HMGXB3: variants seen among roughly 807,000 people sequenced by gnomAD.
HMGXB3 encodes the protein HMG-box containing 3.
A neutral mutation model predicts 121.5 loss-of-function variants in HMGXB3; 45 were observed. That is an observed-to-expected ratio of 0.37 (90% CI 0.29 to 0.47). The LOEUF (loss-of-function observed/expected upper bound fraction) is 0.47. Ranked by LOEUF, HMGXB3 falls within the 20% of genes least tolerant of loss-of-function variation. The probability of loss-of-function intolerance (pLI) is 0.99; values close to 1 mark genes in which losing one functional copy is unlikely to be tolerated. For synonymous variants in HMGXB3, 590 were observed against 624.1 expected (o/e 0.95, Z 0.81); for missense variants, 1,376 against 1,602.2 (o/e 0.86, Z 2.41).
At chr5:150,026,145 T>TTA (rs1554098820) in intron 7 of HMGXB3, among the ~76,000 whole-genome samples, 1 of 151,918 alleles carries the variant, frequency 6.6e-6, no homozygotes, top group African/African-American at 2.4e-5. Context: ...TTGCTTTTTT[T>TTA]AAAAAAAATC....
chr5:150,037,360 T>G, intron 12 of HMGXB3, 40 bp from the exon 13 acceptor site: 1 of 1,495,194 alleles, frequency 6.7e-7, no homozygotes, highest in Non-Finnish European at 9.0e-7. Context: ...AGAAGTCTCT[T>G]TCCCTTCTTT....
chr5:150,030,909 G>T (rs1184911956), intron 10 of HMGXB3, 70 bp downstream of exon 10: 1 of 1,076,154 alleles, frequency 9.3e-7, no homozygotes, highest in Non-Finnish European at 1.4e-6. Context: ...AAGGTCAGTA[G>T]GAGGCTGGGG....
In HMGXB3 at chr5:150,016,135, A is replaced by G. The variant is rs569861666; in HGVS notation, c.910-2431A>G. 7.9e-5 allele frequency among the ~76,000 whole-genome samples: 12 copies of G among 152,310 alleles called. No individual in the cohort carries two copies. The East Asian group carries it at 2.1e-3, about 27-fold the overall frequency. On this transcript the variant is annotated intron_variant, in intron 5 of 19. Transcript: ENST00000502717. ...TGAGGCAGAAGGATTGCTTGAGCCC[A>G]GGAGTTCAAGACCAGCCTGGACAAG...
At chr5:150,038,376 A>C (rs191418770) in intron 13 of HMGXB3, among the ~76,000 whole-genome samples, 11 of 152,176 alleles carry the variant, frequency 7.2e-5, no homozygotes, top group African/African-American at 2.7e-4. Flanking sequence ...TGCTCTTGCC[A>C]ACAGTTAACA....
intron 16 of HMGXB3, among the ~76,000 whole-genome samples, chr5:150,046,910 G>A (rs1740408213): frequency 6.7e-6 from 1 of 149,844 alleles, no homozygotes; most frequent in Admixed American, 6.6e-5. Flanking sequence ...TTTTGAGACG[G>A]AGTCCTGCTC....
Position 150,041,910 on chromosome 5 carries a change from C to T in HMGXB3, c.2671C>T (p.Pro891Ser). The change falls in exon 15 of 20, where the codon CCC (proline) becomes TCC (serine). Residue 891 changes from proline to serine, a missense_variant. Pro to Ser is a moderately conservative substitution (Grantham distance 74). Around this residue, in one of 2 missense-constraint regions of HMGXB3, gnomAD observed 1,116 missense variants for 1,369.0 expected, o/e 0.82. Transcript: ENST00000502717. ...DMICGICGVA[P>S]KVEMAQRSEE... is the part of the protein sequence containing the mutation. ...GATCTGTGGCATCTGTGGTGTGGCC[C>T]CCAAAGTGGAAATGGCTCAGAGGAG... The T allele has an allele frequency of 6.4e-7, 1 of 1,551,678 alleles. No individual in the cohort carries two copies. The highest frequency in any genetic ancestry group is 1.4e-5 in the African/African-American group (1 of 73,142).
At chr5:150,004,456 T>A (rs1384506769) in intron 1 of HMGXB3, among the ~76,000 whole-genome samples, 2 of 152,226 alleles carry the variant, frequency 1.3e-5, no homozygotes, top group East Asian at 3.8e-4. Context: ...GCCAAGCATT[T>A]TTTTTTAACC....
chr5:150,032,291 G>A (rs1756398523), intron 10 of HMGXB3, among the ~76,000 whole-genome samples, 163 bp from the exon 11 acceptor site: 1 of 152,228 alleles, frequency 6.6e-6, no homozygotes, highest in Non-Finnish European at 1.5e-5. Flanking sequence ...AAAAGTAAAA[G>A]AGTTAACTGC....
chr5:150,041,683 A>G (rs1000577757), intron 14 of HMGXB3, 102 bp from the exon 15 acceptor site: 1 of 827,142 alleles, frequency 1.2e-6, no homozygotes, highest in Non-Finnish European at 1.9e-6. Context: ...TTTAAGGTGA[A>G]TCAGTCTGGC....
chr5:150,037,503 C>G lies in HMGXB3; in HGVS notation c.2389C>G (p.His797Asp). 1 of 1,537,372 alleles carries G rather than the reference C, an allele frequency of 6.5e-7. No individual in the cohort carries two copies. Among genetic ancestry groups the G allele is most frequent in the Non-Finnish European group, 8.8e-7 (1 of 1,138,378 alleles). ...TCTGAACCCCCATTGTCTGGCCCTG[C>G]ACAGCTTCATAGACATCTACACAGG... ...MCLNPHCLAL[H>D]SFIDIYTGLF... The change falls in exon 13 of 20, where the codon CAC becomes GAC. Residue 797 changes from histidine to aspartate, a missense_variant. This residue lies in a region of HMGXB3 where 1,116 missense variants were observed against 1,369.0 expected (regional missense o/e 0.82). Transcript: ENST00000502717.
At position 150,028,501 on chromosome 5, in the gene HMGXB3, A is replaced by ATGTGTGTGTG. The variant is rs1184146545; in HGVS notation, c.1734+1387_1734+1388insGTGTGTGTGT. ...TTGATATATATATGTATATATATGT[A>ATGTGTGTGTG]TGTATGTGTGTGTGTGTGTGTGTGT... is the stretch of plus-strand genomic sequence containing the variant. On this transcript the variant is annotated intron_variant, in intron 9 of 19. Transcript: ENST00000502717. Among the ~76,000 whole-genome samples the ATGTGTGTGTG allele has an allele frequency of 4.2e-3, 410 of 96,798 alleles. 26 individuals carry two copies. Among genetic ancestry groups the ATGTGTGTGTG allele is most frequent in the African/African-American group, 0.01 (261 of 25,096 alleles). The allele number at this position is 96,798 out of a possible 152,430, so 63.5% of individuals were successfully genotyped here.
In HMGXB3 at chr5:150,024,410, T is replaced by C. The variant is rs746887134; in HGVS notation, c.1190T>C (p.Val397Ala). ...CTGACTCTGGAGAATTCGGAAGCTG[T>C]AAGCCAGCTCCTGAACGTAGCTCCT... ...SKLTLENSEA[V>A]SQLLNVAPPR... Residue 397 changes from valine (V) to alanine (A), a missense_variant, in exon 7 of 20, where the codon GTA (valine) becomes GCA (alanine). Physicochemically the swap from Val to Ala is moderately conservative, Grantham distance 64 (BLOSUM62 0). Around this residue, in one of 2 missense-constraint regions of HMGXB3, gnomAD observed 1,116 missense variants for 1,369.0 expected, o/e 0.82. Transcript: ENST00000502717. 6 of 1,551,732 alleles carry C rather than the reference T, an allele frequency of 3.9e-6. No individual in the cohort carries two copies. The highest frequency in any genetic ancestry group is 5.2e-6 in the Non-Finnish European group (6 of 1,146,998).
intron 13 of HMGXB3, among the ~76,000 whole-genome samples, chr5:150,038,026 A>C (rs528146475): frequency 6.6e-6 from 1 of 152,324 alleles, no homozygotes; most frequent in East Asian, 1.9e-4. Context: ...GTACATGACC[A>C]TTTTTATAGG....
chr5:150,037,645 A>AG, intron 13 of HMGXB3, 118 bp downstream of exon 13: 1 of 845,236 alleles, frequency 1.2e-6, no homozygotes, highest in East Asian at 3.3e-5. Flanking sequence ...CTTCTGAGGA[A>AG]GGGGGAGTCT....
intron 14 of HMGXB3, 139 bp downstream of exon 14, chr5:150,041,018 C>T (rs1756620346): frequency 1.2e-6 from 1 of 837,562 alleles, no homozygotes; most frequent in Middle Eastern, 3.6e-4. Flanking sequence ...CTTCCTAATA[C>T]ACTCTTCCTT....
rs191848630 is a variant in HMGXB3 at position 150,047,607 on chromosome 5, A to G, written c.2951-17A>G. 8 of 1,551,470 alleles carry G rather than the reference A, an allele frequency of 5.2e-6. No homozygotes were observed. The highest frequency in any genetic ancestry group is 3.6e-5 in the South Asian group (3 of 84,038). On this transcript the variant is annotated splice_polypyrimidine_tract_variant and intron_variant, in intron 16 of 19. Coordinates refer to ENST00000502717, the MANE Select transcript of HMGXB3 (RefSeq NM_014983.3). Reference sequence around the variant, plus strand: ...CTGGCGGCAGCACCCTCCCACCAGCACTGTTGTCTCTTGCAGGCAGTGGCA... The same window carrying G: ...CTGGCGGCAGCACCCTCCCACCAGCGCTGTTGTCTCTTGCAGGCAGTGGCA...
intron 18 of HMGXB3, among the ~76,000 whole-genome samples, chr5:150,049,197 G>C (rs147968729): frequency 1.3e-3 from 196 of 152,288 alleles, no homozygotes; most frequent in Admixed American, 2.7e-3. Context: ...CTGAGAGGAG[G>C]GGGTGTTGGA....
chr5:150,041,500 G>A (rs1443465217), intron 14 of HMGXB3, among the ~76,000 whole-genome samples: 3 of 152,218 alleles, frequency 2.0e-5, no homozygotes. Flanking sequence ...CGTTCATAAA[G>A]AATTAAATTG....
chr5:150,019,633 G>C (rs2113736276), intron 6 of HMGXB3, among the ~76,000 whole-genome samples: 1 of 152,192 alleles, frequency 6.6e-6, no homozygotes, highest in East Asian at 1.9e-4. Flanking sequence ...GAGACAGACA[G>C]GCAAGGTATT....
Sources: allele counts gnomAD v4.1 joint callset (sites outside exome capture counted in the v4.1 genomes callset), GRCh38; gene constraint gnomAD v4.1.1; regional missense constraint gnomAD v4.1.1; transcripts MANE v1.5; gene names NCBI Gene and HGNC (gene_info 2026-07-23, HGNC 2026-07-21).